The following DCDC1 variants were observed in gnomAD, a reference collection of about 807,000 sequenced individuals.
DCDC1 encodes doublecortin domain containing 1.
DCDC1 carries 200 observed loss-of-function variants against 178.3 expected under a neutral mutation model. The observed-to-expected ratio is 1.12, with a 90% CI of 1.00 to 1.26. DCDC1 has a LOEUF of 1.26. Ranked by LOEUF, DCDC1 falls within the 50% of genes most tolerant of loss-of-function variation. The pLI, the probability that DCDC1 is intolerant of heterozygous loss-of-function variation, is 0.00. For synonymous variants in DCDC1, 690 were observed against 604.8 expected, an observed-to-expected ratio of 1.14 and a Z score of -2.07; for missense variants, 1,983 against 1,749.2, an observed-to-expected ratio of 1.13 and a Z score of -2.38.
intron 20 of DCDC1, among the ~76,000 whole-genome samples, chr11:30,962,021 C>G (rs1447584357): frequency 6.6e-6 from 1 of 151,974 alleles, no homozygotes; most frequent in African/African-American, 2.4e-5. Context: ...AGTTTTTAAC[C>G]AGTATCACTG....
chr11:30,885,062 A>T, intron 36 of DCDC1, among the ~76,000 whole-genome samples: 1 of 152,034 alleles, frequency 6.6e-6, no homozygotes, highest in East Asian at 1.9e-4. Context: ...TTTAAAAAGT[A>T]ATACATACTT....
At chr11:31,116,880 T>C (rs1357033201) in intron 11 of DCDC1, among the ~76,000 whole-genome samples, 1 of 152,144 alleles carries the variant, frequency 6.6e-6, no homozygotes, top group African/African-American at 2.4e-5. Context: ...ATCAATTTTT[T>C]TTTAAGCCCA....
chr11:30,881,287 G>C lies in DCDC1; in HGVS notation c.5104C>G (p.Arg1702Gly), dbSNP rs780083549. 3.3e-5 allele frequency: 54 copies of C among 1,613,226 alleles called. No homozygotes were observed. Among genetic ancestry groups the C allele is most frequent in the Non-Finnish European group, 4.2e-5 (50 of 1,179,522 alleles). ...ISELLQDCSS[R>G]LKMTHPARAL... ...CTAGCTGGGTGGGTCATTTTGAGACGAGAGGAGCAGTCTTGCAGCAGCTGA... is the reference window on the plus strand; with the variant it reads ...CTAGCTGGGTGGGTCATTTTGAGACCAGAGGAGCAGTCTTGCAGCAGCTGA... Residue 1702 changes from arginine (R) to glycine (G), a missense_variant, in exon 37 of 39, where the codon CGT (arginine) becomes GGT (glycine). Coordinates refer to ENST00000684477, the MANE Select transcript of DCDC1 (RefSeq NM_001387274.1).
rs987099880 is a variant in DCDC1 at position 30,936,255 on chromosome 11, C to T, written c.2716-4303G>A. Among the ~76,000 whole-genome samples, 6 of 150,898 alleles carry T rather than the reference C, an allele frequency of 4.0e-5. No individual in the cohort carries two copies. In the East Asian group the frequency reaches 9.7e-4, roughly 24 times the overall value. ...AGATCTGTAGCCCTGTCCAAATATG[C>T]GAGTCCATATAATAACTCATAGAGG... On this transcript the variant is annotated intron_variant, in intron 21 of 38. Transcript: ENST00000684477.
At chr11:31,233,566 T>C (rs2136807492) in intron 9 of DCDC1, among the ~76,000 whole-genome samples, 1 of 152,304 alleles carries the variant, frequency 6.6e-6, no homozygotes, top group East Asian at 1.9e-4. Flanking sequence ...TCCCCAAAGA[T>C]GCCACACTAT....
intron 3 of DCDC1, among the ~76,000 whole-genome samples, chr11:31,324,674 C>T (rs1043103975): frequency 6.6e-6 from 1 of 152,000 alleles, no homozygotes; most frequent in Admixed American, 6.6e-5. Context: ...CGGTGGGAAT[C>T]GACAGTTCAT....
intron 21 of DCDC1, among the ~76,000 whole-genome samples, chr11:30,941,047 G>T (rs7942772): frequency 0.04 from 6,083 of 152,102 alleles, 388 homozygotes; most frequent in African/African-American, 0.14. Context: ...AATTATTTTA[G>T]CTATTTATTT....
rs1956963999 is a variant in DCDC1, at chr11:31,077,997, G to C, written c.2238-72C>G. The C allele has an allele frequency of 4.1e-6, 3 of 738,388 alleles. No homozygotes were observed. The Admixed American group carries it at 5.5e-5, about 13-fold the overall frequency. 45.7% of individuals were successfully genotyped at this position (738,388 alleles called of 1,614,324 possible). On this transcript the variant is annotated intron_variant, in intron 17 of 38. Coordinates refer to ENST00000684477, the MANE Select transcript of DCDC1 (RefSeq NM_001387274.1). Reference sequence around the variant, plus strand: ...AACACTTGTAGGTTTTAAATAAAATGATCATTTTCCAGATAGCCTGGCAGG... The same window carrying C: ...AACACTTGTAGGTTTTAAATAAAATCATCATTTTCCAGATAGCCTGGCAGG...
chr11:31,358,169 G>A lies in DCDC1; in HGVS notation c.-125+11528C>T, dbSNP rs1361841910. 5.4e-4 allele frequency among the ~76,000 whole-genome samples: 81 copies of A among 151,010 alleles called. 1 individual carries two copies. Among genetic ancestry groups the A allele is most frequent in the South Asian group, 4.8e-3 (23 of 4,764 alleles). ...AAAAGAACAAAGCTGGAGGCATCACGCTACCTGACTTCAAACTATACTACA... is the reference window on the plus strand; with the variant it reads ...AAAAGAACAAAGCTGGAGGCATCACACTACCTGACTTCAAACTATACTACA... On this transcript the variant is annotated intron_variant, in intron 1 of 38. Coordinates refer to ENST00000684477, the MANE Select transcript of DCDC1 (RefSeq NM_001387274.1).
chr11:31,061,583 C>A (rs995384251), intron 20 of DCDC1, among the ~76,000 whole-genome samples: 2 of 151,900 alleles, frequency 1.3e-5, no homozygotes, highest in African/African-American at 2.4e-5. Context: ...GAAGAAGGCA[C>A]CTGGAGCCGA....
intron 20 of DCDC1, among the ~76,000 whole-genome samples, chr11:31,017,621 C>T (rs1952569649): frequency 6.6e-6 from 1 of 151,676 alleles, no homozygotes; most frequent in Non-Finnish European, 1.5e-5. Flanking sequence ...GCTCTGTCTC[C>T]CAGGCTGGAG....
intron 9 of DCDC1, among the ~76,000 whole-genome samples, chr11:31,233,293 C>T (rs1976045697): frequency 1.3e-5 from 2 of 152,114 alleles, no homozygotes; most frequent in African/African-American, 4.8e-5. Context: ...TATTTTAGCA[C>T]TTATTTTTAT....
intron 38 of DCDC1, among the ~76,000 whole-genome samples, chr11:30,874,910 G>A (rs978533497): frequency 6.6e-6 from 1 of 152,198 alleles, no homozygotes; most frequent in Non-Finnish European, 1.5e-5. Flanking sequence ...CACAGACAAT[G>A]AGCAATAGCA....
intron 20 of DCDC1, among the ~76,000 whole-genome samples, chr11:31,042,088 CA>C (rs920415007): frequency 6.6e-6 from 1 of 152,140 alleles, no homozygotes; most frequent in Non-Finnish European, 1.5e-5. Context: ...TTTCCTTTAA[CA>C]ATAAAATTCT....
intron 22 of DCDC1, among the ~76,000 whole-genome samples, chr11:30,929,037 C>G (rs1388092866): frequency 6.6e-6 from 1 of 152,040 alleles, no homozygotes; most frequent in East Asian, 1.9e-4. Flanking sequence ...TTTTTAGAAT[C>G]TATATTTTAT....
rs1167021763 is a variant in DCDC1, at chr11:31,094,921, C to T, written c.1984-737G>A. ...AACCCGTCATCTACATTAGGTATTT[C>T]TCCTAATGCTATCCCTTCCCTAGCT... On this transcript the variant is annotated intron_variant, in intron 15 of 38. Coordinates refer to ENST00000684477, the MANE Select transcript of DCDC1 (RefSeq NM_001387274.1). Among the ~76,000 whole-genome samples, 5 of 152,194 alleles carry T rather than the reference C, an allele frequency of 3.3e-5. No homozygotes were observed. In the East Asian group the frequency reaches 9.7e-4, roughly 29 times the overall value.
intron 9 of DCDC1, among the ~76,000 whole-genome samples, chr11:31,182,110 C>A (rs1049718682): frequency 6.6e-6 from 1 of 152,146 alleles, no homozygotes; most frequent in African/African-American, 2.4e-5. Flanking sequence ...ACCAAACCTA[C>A]GTTTGATTGG....
At chr11:30,985,976 G>A (rs1461924650) in intron 20 of DCDC1, among the ~76,000 whole-genome samples, 4 of 152,160 alleles carry the variant, frequency 2.6e-5, no homozygotes, top group African/African-American at 9.6e-5. Context: ...ATTAGTATTA[G>A]GCTCAGCAGC....
chr11:31,110,769 C>A lies in DCDC1; in HGVS notation c.1486-408G>T, dbSNP rs558957877. 4.0e-5 allele frequency among the ~76,000 whole-genome samples: 6 copies of A among 151,712 alleles called. No individual in the cohort carries two copies. In the East Asian group the frequency reaches 9.7e-4, roughly 25 times the overall value. Reference sequence around the variant, plus strand: ...GCTCATTTTGTTCTTCATAAAGCCACAAATAAGGTAAGGAATATTCATACT... The same window carrying A: ...GCTCATTTTGTTCTTCATAAAGCCAAAAATAAGGTAAGGAATATTCATACT... On this transcript the variant is annotated intron_variant, in intron 11 of 38. Coordinates refer to ENST00000684477, the MANE Select transcript of DCDC1 (RefSeq NM_001387274.1).
Sources: gnomAD v4.1 joint callset for allele counts (sites outside exome capture counted in the v4.1 genomes callset) on GRCh38, gnomAD v4.1.1 for gene constraint, MANE v1.5 for transcripts, NCBI Gene and HGNC (gene_info 2026-07-23, HGNC 2026-07-21) for gene names.